USH2A: variants seen among roughly 807,000 people sequenced by gnomAD.
The protein encoded by USH2A is usherin.
USH2A carries 443 observed loss-of-function variants against 538.9 expected under a neutral mutation model. The observed-to-expected ratio is 0.82, with a 90% CI of 0.76 to 0.89. The LOEUF is 0.89. Ranked by LOEUF, USH2A falls within the 40% of genes least tolerant of loss-of-function variation. The pLI is 0.00. For missense variants in USH2A, 6,633 were observed against 6,324.8 expected (o/e 1.05, Z -1.65); for synonymous variants, 2,413 against 2,273.5 (o/e 1.06, Z -1.75).
intron 9 of USH2A, among the ~76,000 whole-genome samples, chr1:216,311,366 G>A (rs978016451): frequency 6.6e-6 from 1 of 152,134 alleles, no homozygotes; most frequent in Admixed American, 6.5e-5. Context: ...AAGTGAGTTG[G>A]AGGAAAATCT....
At chr1:215,773,484 G>GTCTCTCTCTCTCTCTC (rs756571165) in intron 55 of USH2A, among the ~76,000 whole-genome samples, 3 of 112,276 alleles carry the variant, frequency 2.7e-5, no homozygotes, top group East Asian at 3.3e-4. Context: ...ATGTCTCTCT[G>GTCTCTCTCTCTCTCTC]TCTCTCTGTC....
At chr1:216,168,068 C>T (rs950538570) in intron 21 of USH2A, among the ~76,000 whole-genome samples, 1 of 152,000 alleles carries the variant, frequency 6.6e-6, no homozygotes, top group Admixed American at 6.6e-5. Flanking sequence ...AATGTTTTAA[C>T]TAATTTTTTT....
intron 9 of USH2A, among the ~76,000 whole-genome samples, chr1:216,294,681 C>T (rs972391943): frequency 6.6e-6 from 1 of 151,812 alleles, no homozygotes; most frequent in Non-Finnish European, 1.5e-5. Context: ...AAAAATTAAA[C>T]TCATACTCAC....
At position 215,758,661 on chromosome 1, in the gene USH2A, T is replaced by C; in HGVS notation, c.11323A>G (p.Ile3775Val). The C allele has an allele frequency of 1.2e-6, 2 of 1,613,944 alleles. No individual in the cohort carries two copies. The highest frequency in any genetic ancestry group is 1.7e-6 in the Non-Finnish European group (2 of 1,179,888). ...ACTGTGATATTATATGGAGGATAGATTTCTTCTGGTGTTGACATAGGTGTT... is the reference window on the plus strand; with the variant it reads ...ACTGTGATATTATATGGAGGATAGACTTCTTCTGGTGTTGACATAGGTGTT... ...VQTPMSTPEE[I>V]YPPYNITVIG... Residue 3775 changes from isoleucine (I) to valine (V), a missense_variant, in exon 58 of 72, where the codon ATC (isoleucine) becomes GTC (valine). Coordinates refer to ENST00000307340, the MANE Select transcript of USH2A (RefSeq NM_206933.4).
chr1:215,990,017 A>G (rs140691609), intron 35 of USH2A, among the ~76,000 whole-genome samples: 119 of 152,298 alleles, frequency 7.8e-4, no homozygotes, highest in African/African-American at 2.8e-3. Flanking sequence ...AGTTTGAGAA[A>G]TACCATTTAA....
chr1:215,631,814 T>C (rs1656292137), intron 70 of USH2A, among the ~76,000 whole-genome samples: 1 of 152,128 alleles, frequency 6.6e-6, no homozygotes, highest in Admixed American at 6.5e-5. Context: ...TCCCCGATGG[T>C]AAAGGGTGTG....
intron 3 of USH2A, among the ~76,000 whole-genome samples, chr1:216,394,862 G>C (rs1038349067): frequency 2.6e-5 from 4 of 151,684 alleles, no homozygotes; most frequent in South Asian, 2.1e-4. Flanking sequence ...GGGACTACAG[G>C]CGCCCGCCAC....
chr1:215,650,875 GAA>G, intron 64 of USH2A, 74 bp from the exon 65 acceptor site: 3 of 1,487,934 alleles, frequency 2.0e-6, no homozygotes, highest in Non-Finnish European at 9.1e-7. Context: ...AAAAAGAAAG[GAA>G]AAAAAACGAA....
chr1:215,816,179 T>G (rs1208425469), intron 48 of USH2A, among the ~76,000 whole-genome samples: 1 of 152,048 alleles, frequency 6.6e-6, no homozygotes, highest in African/African-American at 2.4e-5. Context: ...TCATCAGATG[T>G]GTGTATTTAA....
intron 30 of USH2A, among the ~76,000 whole-genome samples, chr1:216,051,127 CTTCT>C (rs2030770965): frequency 6.6e-6 from 1 of 152,034 alleles, no homozygotes; most frequent in Non-Finnish European, 1.5e-5. Context: ...TGTTGTCAAG[CTTCT>C]TTCTTTTTCT....
intron 7 of USH2A, among the ~76,000 whole-genome samples, 156 bp downstream of exon 7, chr1:216,324,012 T>C (rs937768030): frequency 3.3e-5 from 5 of 152,100 alleles, no homozygotes; most frequent in Non-Finnish European, 7.4e-5. Context: ...ACTTTAAACA[T>C]AGTTTTAAGC....
At chr1:216,024,236 GTTAT>G (rs1668911114) in intron 32 of USH2A, among the ~76,000 whole-genome samples, 1 of 152,042 alleles carries the variant, frequency 6.6e-6, no homozygotes, top group Non-Finnish European at 1.5e-5. Flanking sequence ...CCAGTTTAGA[GTTAT>G]TTGTGTAAAC....
At chr1:216,342,251 T>C (rs1470224651) in intron 4 of USH2A, among the ~76,000 whole-genome samples, 1 of 152,136 alleles carries the variant, frequency 6.6e-6, no homozygotes, top group Non-Finnish European at 1.5e-5. Flanking sequence ...AAGCTTAACA[T>C]CACTGATCAT....
chr1:216,159,379 A>G (rs996930812), intron 21 of USH2A, among the ~76,000 whole-genome samples: 1 of 152,092 alleles, frequency 6.6e-6, no homozygotes, highest in African/African-American at 2.4e-5. Flanking sequence ...TGTTATGAAT[A>G]GTTATTATAT....
At chr1:216,066,653 G>A (rs1394125443) in intron 30 of USH2A, among the ~76,000 whole-genome samples, 1 of 152,070 alleles carries the variant, frequency 6.6e-6, no homozygotes, top group Non-Finnish European at 1.5e-5. Flanking sequence ...CAGCTGCCCT[G>A]GGAGGCATGT....
intron 56 of USH2A, among the ~76,000 whole-genome samples, chr1:215,760,477 C>T (rs757181129): frequency 6.6e-5 from 10 of 152,190 alleles, no homozygotes; most frequent in Non-Finnish European, 1.3e-4. Context: ...TTTAAATATG[C>T]ATATGCTGAA....
intron 48 of USH2A, 28 bp downstream of exon 48, chr1:215,816,969 G>A: frequency 6.2e-7 from 1 of 1,608,554 alleles, no homozygotes; most frequent in Non-Finnish European, 8.5e-7. Context: ...GAAAAACATG[G>A]TTCACTGATT....
intron 34 of USH2A, among the ~76,000 whole-genome samples, chr1:215,994,290 G>C (rs1253372116): frequency 6.6e-6 from 1 of 152,066 alleles, no homozygotes; most frequent in African/African-American, 2.4e-5. Context: ...GCGTCTCTCT[G>C]ATTTTTCAGT....
chr1:216,366,611 A>G (rs533321497), intron 3 of USH2A, among the ~76,000 whole-genome samples: 2 of 152,096 alleles, frequency 1.3e-5, no homozygotes, highest in Non-Finnish European at 2.9e-5. Context: ...GCAAAACACA[A>G]CAAAACAAAA....
Sources: gnomAD v4.1 joint callset for allele counts (sites outside exome capture counted in the v4.1 genomes callset) on GRCh38, gnomAD v4.1.1 for gene constraint, MANE v1.5 for transcripts, NCBI Gene and HGNC (gene_info 2026-07-23, HGNC 2026-07-21) for gene names.